ABTB3: variants seen among roughly 807,000 people sequenced by gnomAD.
ABTB3 encodes ankyrin repeat and BTB domain containing 3.
the ABTB3 span, chr12:107,635,454 A>G: frequency 4.7e-6 from 7 of 1,500,404 alleles, no homozygotes; most frequent in African/African-American, 9.7e-5. Context: ...GGAGCCAAAG[A>G]ATGCCATAAG....
At chr12:107,613,631 A>G in the ABTB3 span, among the ~76,000 whole-genome samples, 1 of 152,196 alleles carries the variant, frequency 6.6e-6, no homozygotes, top group South Asian at 2.1e-4. Context: ...TATAGAGAGT[A>G]GGTTTGGAAC....
At chr12:107,654,815 TACACACACACAC>T in the ABTB3 span, among the ~76,000 whole-genome samples, 477 of 141,292 alleles carry the variant, frequency 3.4e-3, 2 homozygotes, top group East Asian at 0.013. Context: ...CTACATTGTA[TACACACACACAC>T]ACACACACAC....
At chr12:107,612,558 A>G in the ABTB3 span, among the ~76,000 whole-genome samples, 5 of 152,212 alleles carry the variant, frequency 3.3e-5, no homozygotes, top group Non-Finnish European at 5.9e-5. Flanking sequence ...AAGGAAAGAT[A>G]AATGCTGAAA....
chr12:107,585,795 G>A, the ABTB3 span, among the ~76,000 whole-genome samples: 1 of 152,140 alleles, frequency 6.6e-6, no homozygotes, highest in Non-Finnish European at 1.5e-5. Flanking sequence ...TACCAAAGAT[G>A]TATGGGGTGC....
the ABTB3 span, among the ~76,000 whole-genome samples, chr12:107,353,810 C>A: frequency 6.6e-6 from 1 of 152,170 alleles, no homozygotes; most frequent in Non-Finnish European, 1.5e-5. Flanking sequence ...TGTGAGGGAT[C>A]TAGGCTGTGC....
chr12:107,498,985 G>A, the ABTB3 span, among the ~76,000 whole-genome samples: 326 of 152,346 alleles, frequency 2.1e-3, no homozygotes, highest in African/African-American at 7.2e-3. Context: ...AACCAAGTCA[G>A]TGTGACCTTA....
At chr12:107,619,904 C>T in the ABTB3 span, 1 of 1,336,754 alleles carries the variant, frequency 7.5e-7, no homozygotes, top group Non-Finnish European at 1.0e-6. Context: ...TAAAAACTCG[C>T]CTGCTCCTCT....
chr12:107,368,653 G>T, the ABTB3 span, among the ~76,000 whole-genome samples: 9 of 152,128 alleles, frequency 5.9e-5, no homozygotes, highest in Non-Finnish European at 1.3e-4. Flanking sequence ...ACTTGGTTTC[G>T]ATAATCAGTA....
chr12:107,319,768 G>A, the ABTB3 span: 2 of 1,480,254 alleles, frequency 1.4e-6, no homozygotes, highest in Non-Finnish European at 1.8e-6. Context: ...GCCCGAGCTC[G>A]GGCCCTGGTG....
chr12:107,601,678 G>C, the ABTB3 span, among the ~76,000 whole-genome samples: 1 of 152,162 alleles, frequency 6.6e-6, no homozygotes, highest in African/African-American at 2.4e-5. Flanking sequence ...TCAGCTGTGT[G>C]ACAATGAGCA....
At chr12:107,393,192 C>G in the ABTB3 span, among the ~76,000 whole-genome samples, 3 of 152,294 alleles carry the variant, frequency 2.0e-5, no homozygotes, top group South Asian at 2.1e-4. Flanking sequence ...GCTCTGCAAA[C>G]TGCAATCATC....
the ABTB3 span, among the ~76,000 whole-genome samples, chr12:107,417,914 A>G: frequency 6.6e-6 from 1 of 152,226 alleles, no homozygotes; most frequent in Non-Finnish European, 1.5e-5. Flanking sequence ...CCATGGCCCC[A>G]CCAGTAGGGA....
the ABTB3 span, chr12:107,635,197 T>G: frequency 2.6e-6 from 3 of 1,165,494 alleles, no homozygotes; most frequent in Admixed American, 2.0e-5. Context: ...TGAGCTCTTA[T>G]CACCTGGAGG....
At chr12:107,451,753 C>A in the ABTB3 span, among the ~76,000 whole-genome samples, 1 of 152,040 alleles carries the variant, frequency 6.6e-6, no homozygotes, top group South Asian at 2.1e-4. Context: ...AGTCTCTCTG[C>A]TAGGATGCTT....
chr12:107,530,699 T>C, the ABTB3 span, among the ~76,000 whole-genome samples: 35 of 152,354 alleles, frequency 2.3e-4, no homozygotes, highest in Admixed American at 2.0e-3. Flanking sequence ...CAAAAGTTTA[T>C]TATTTTATCA....
At chr12:107,379,586 C>G in the ABTB3 span, among the ~76,000 whole-genome samples, 2 of 152,160 alleles carry the variant, frequency 1.3e-5, no homozygotes, top group Non-Finnish European at 2.9e-5. Flanking sequence ...ATTACCCAGT[C>G]TCAGGTATTT....
At chr12:107,465,831 C>T in the ABTB3 span, among the ~76,000 whole-genome samples, 3 of 152,202 alleles carry the variant, frequency 2.0e-5, no homozygotes, top group South Asian at 2.1e-4. Context: ...CACACAGTCG[C>T]GTGCTCTCTC....
chr12:107,477,177 C>T, the ABTB3 span, among the ~76,000 whole-genome samples: 1 of 152,150 alleles, frequency 6.6e-6, no homozygotes, highest in Non-Finnish European at 1.5e-5. Context: ...GCCACTTCCA[C>T]CTCTCACCTC....
At chr12:107,633,455 C>T in the ABTB3 span, among the ~76,000 whole-genome samples, 1 of 152,170 alleles carries the variant, frequency 6.6e-6, no homozygotes, top group Non-Finnish European at 1.5e-5. Context: ...GTCGCTTTTG[C>T]CATGTAAAGT....
Sources: allele counts gnomAD v4.1 joint callset (sites outside exome capture counted in the v4.1 genomes callset), GRCh38; gene constraint gnomAD v4.1.1; transcripts MANE v1.5; gene names NCBI Gene and HGNC (gene_info 2026-07-23, HGNC 2026-07-21).